PUM3: variants seen among roughly 807,000 people sequenced by gnomAD.
PUM3 encodes the protein pumilio RNA binding family member 3.
A neutral mutation model predicts 84.0 loss-of-function variants in PUM3; 91 were observed. That is an observed-to-expected ratio of 1.08 (90% CI 0.91 to 1.29). The LOEUF is 1.29. Among genes scored for constraint, PUM3 ranks in the 50% most tolerant of loss-of-function variants. The pLI is 0.00. For missense variants in PUM3, 1,067 were observed against 767.5 expected, an observed-to-expected ratio of 1.39 and a Z score of -4.61; for synonymous variants, 321 against 266.7, an observed-to-expected ratio of 1.20 and a Z score of -1.98.
intron 5 of PUM3, among the ~76,000 whole-genome samples, chr9:2,831,665 T>C (rs1477817426): frequency 6.6e-6 from 1 of 152,180 alleles, no homozygotes; most frequent in Non-Finnish European, 1.5e-5. Context: ...TTCTCATTTC[T>C]TTGATAAGTT....
chr9:2,823,647 G>C (rs141943862), intron 12 of PUM3, 134 bp downstream of exon 12: 12 of 465,862 alleles, frequency 2.6e-5, no homozygotes, highest in Middle Eastern at 5.7e-4. Flanking sequence ...AATACATGTA[G>C]ATGCAAAGAA....
intron 13 of PUM3, among the ~76,000 whole-genome samples, chr9:2,814,286 G>A (rs1049673646): frequency 7.2e-5 from 4 of 55,758 alleles, no homozygotes; most frequent in South Asian, 6.9e-4. Flanking sequence ...ATCTTGGCTC[G>A]CTGCCATCTC....
In PUM3 at chr9:2,811,407, G is replaced by C. The variant is rs761794383; in HGVS notation, c.1589C>G (p.Ala530Gly). The C allele has an allele frequency of 1.2e-6, 2 of 1,614,142 alleles. No individual in the cohort carries two copies. The highest frequency in any genetic ancestry group is 2.2e-5 in the East Asian group (1 of 44,862). The change falls in exon 15 of 18, where the codon GCC becomes GGC. Residue 530 changes from alanine (A) to glycine (G), a missense_variant. By Grantham distance (60) the Ala-to-Gly change is moderately conservative. Transcript: ENST00000397885. ...ATGCAGTCCTGTTGCTGCCAAGCTGGCGATGGCATTCATGGTAGGCTGAAC... is the reference window on the plus strand; with the variant it reads ...ATGCAGTCCTGTTGCTGCCAAGCTGCCGATGGCATTCATGGTAGGCTGAAC... ...GDVQPTMNAI[A>G]SLAATGLHPG... is the part of the protein sequence containing the mutation.
rs1244840826 is a variant in PUM3 at position 2,820,056 on chromosome 9, T to C, written c.1231A>G (p.Ile411Val). The C allele has an allele frequency of 2.5e-6, 4 of 1,612,936 alleles. No homozygotes were observed. The highest frequency in any genetic ancestry group is 1.1e-5 in the South Asian group (1 of 91,044). ...HLVLLAAFDC[I>V]DDTKLVKQII... ...TGCTTCACAAGCTTAGTATCATCAA[T>C]ACAATCAAATGCCGCCAGTAAAACC... The change falls in exon 13 of 18, where the codon ATT becomes GTT. Residue 411 changes from isoleucine (I) to valine (V), a missense_variant. Physicochemically the swap from Ile to Val is conservative, Grantham distance 29 (BLOSUM62 3). Coordinates refer to ENST00000397885, the MANE Select transcript of PUM3 (RefSeq NM_014878.5).
At chr9:2,839,596 G>A (rs1039926176) in intron 1 of PUM3, among the ~76,000 whole-genome samples, 1 of 152,172 alleles carries the variant, frequency 6.6e-6, no homozygotes, top group South Asian at 2.1e-4. Flanking sequence ...AACATCATAA[G>A]GGAACAGCAG....
chr9:2,820,572 C>T (rs1305096818), intron 12 of PUM3, among the ~76,000 whole-genome samples: 1 of 152,010 alleles, frequency 6.6e-6, no homozygotes. Context: ...TACATGTACA[C>T]AGAAAATCCT....
At chr9:2,824,232 A>C (rs937495576) in intron 11 of PUM3, among the ~76,000 whole-genome samples, 1 of 152,204 alleles carries the variant, frequency 6.6e-6, no homozygotes, top group Non-Finnish European at 1.5e-5. Context: ...TAGTACAACT[A>C]TCTTTTAAAG....
At chr9:2,808,093 AT>A in intron 16 of PUM3, 189 bp from the exon 17 acceptor site, 2 of 538,000 alleles carry the variant, frequency 3.7e-6, no homozygotes, top group Non-Finnish European at 6.6e-6. Context: ...TAAAAGAGCC[AT>A]TTCTTTTAAC....
At position 2,812,335 on chromosome 9, in the gene PUM3, C is replaced by T. The variant is rs1184986009; in HGVS notation, c.1297G>A (p.Val433Ile). 6.3e-7 allele frequency: 1 copy of T among 1,588,480 alleles called. No homozygotes were observed. The highest frequency in any genetic ancestry group is 1.3e-5 in the African/African-American group (1 of 74,318). The change falls in exon 14 of 18, where the codon GTA becomes ATA. Residue 433 changes from valine to isoleucine, a missense_variant. Physicochemically the swap from Val to Ile is conservative, Grantham distance 29. Coordinates refer to ENST00000397885, the MANE Select transcript of PUM3 (RefSeq NM_014878.5). ...SEIISSLPSI[V>I]NDKYGRKVLL... is the part of the protein sequence containing the mutation. ...ACCTTCCTTCCATATTTGTCATTTA[C>T]TATGCTAGGCAATGAACTGATAATT... is the stretch of plus-strand genomic sequence containing the variant.
At chr9:2,832,253 TA>T (rs2129866949) in intron 5 of PUM3, among the ~76,000 whole-genome samples, 1 of 152,272 alleles carries the variant, frequency 6.6e-6, no homozygotes, top group South Asian at 2.1e-4. Context: ...GCCTTAAACA[TA>T]GTGTTCTTAT....
Position 2,834,080 on chromosome 9 carries a change from T to G in PUM3, c.391A>C (p.Asn131His). ...KQSRQLSDKT[N>H]YDIVVRAKQM... Reference sequence around the variant, plus strand: ...TTTGCCCGAACAACAATGTCATAGTTGGTTTTATCACTGAGTTGTCTGCTT... The same window carrying G: ...TTTGCCCGAACAACAATGTCATAGTGGGTTTTATCACTGAGTTGTCTGCTT... Residue 131 changes from asparagine (N) to histidine (H), a missense_variant, in exon 4 of 18, where the codon AAC (asparagine) becomes CAC (histidine). Physicochemically the swap from Asn to His is moderately conservative, Grantham distance 68. Coordinates refer to ENST00000397885, the MANE Select transcript of PUM3 (RefSeq NM_014878.5). 1 of 1,613,836 alleles carries G rather than the reference T, an allele frequency of 6.2e-7. No individual in the cohort carries two copies.
At chr9:2,818,882 TAC>T (rs1270727255) in intron 13 of PUM3, among the ~76,000 whole-genome samples, 2 of 152,326 alleles carry the variant, frequency 1.3e-5, no homozygotes, top group East Asian at 3.9e-4. Context: ...CTTTTTCTAC[TAC>T]ACTCAGCTCT....
At chr9:2,840,593 C>T (rs1352678263) in intron 1 of PUM3, among the ~76,000 whole-genome samples, 1 of 152,178 alleles carries the variant, frequency 6.6e-6, no homozygotes, top group East Asian at 1.9e-4. Flanking sequence ...CATCTATTTA[C>T]TTGTATCATA....
chr9:2,824,642 C>G, intron 11 of PUM3, 75 bp downstream of exon 11: 2 of 951,338 alleles, frequency 2.1e-6, no homozygotes, highest in Non-Finnish European at 1.4e-6. Context: ...AGTCTAAGGA[C>G]AGCTAAGTCA....
intron 1 of PUM3, among the ~76,000 whole-genome samples, chr9:2,843,820 C>T (rs1415726984): frequency 1.3e-5 from 2 of 151,862 alleles, no homozygotes; most frequent in Admixed American, 6.6e-5. Flanking sequence ...CCTTGTGATC[C>T]GCCCGCCTCG....
intron 3 of PUM3, among the ~76,000 whole-genome samples, chr9:2,834,568 C>T (rs560264435): frequency 4.6e-5 from 7 of 152,114 alleles, no homozygotes; most frequent in Non-Finnish European, 7.4e-5. Context: ...AAAACAACTT[C>T]GAAAATTCAC....
At chr9:2,838,580 T>C (rs1816191861) in intron 1 of PUM3, 63 bp from the exon 2 acceptor site, 2 of 996,786 alleles carry the variant, frequency 2.0e-6, no homozygotes, top group Admixed American at 1.8e-5. Flanking sequence ...ATAAGAGCTG[T>C]TTCATAGTCA....
intron 12 of PUM3, among the ~76,000 whole-genome samples, chr9:2,820,913 A>C (rs561470565): frequency 1.1e-4 from 17 of 152,308 alleles, no homozygotes; most frequent in Non-Finnish European, 2.2e-4. Flanking sequence ...AAGAAAACAA[A>C]AACCTGTTTC....
intron 4 of PUM3, 40 bp from the exon 5 acceptor site, chr9:2,833,472 G>A (rs1477209259): frequency 8.6e-7 from 1 of 1,162,386 alleles, no homozygotes; most frequent in Non-Finnish European, 1.3e-6. Context: ...TTGAAATAAA[G>A]AAGTTATTTT....
Sources: gnomAD v4.1 joint callset for allele counts (sites outside exome capture counted in the v4.1 genomes callset) on GRCh38, gnomAD v4.1.1 for gene constraint, MANE v1.5 for transcripts, NCBI Gene and HGNC (gene_info 2026-07-23, HGNC 2026-07-21) for gene names.